BCKDHB: variants seen among roughly 807,000 people sequenced by gnomAD.
BCKDHB encodes 2-oxoisovalerate dehydrogenase subunit beta, mitochondrial.
Under a neutral mutation model 48.5 loss-of-function variants are expected in BCKDHB, and 41 were observed. The ratio of observed to expected loss-of-function variants is 0.85; its 90% CI spans 0.66 to 1.10. BCKDHB has a LOEUF of 1.10. BCKDHB is among the 50% of genes least tolerant of loss of function. BCKDHB has a pLI of 0.00. For synonymous variants in BCKDHB, 201 were observed against 174.8 expected (o/e 1.15, Z -1.18); for missense variants, 496 against 494.2 (o/e 1.00, Z -0.03).
At chr6:80,186,333 C>T (rs6930534) in intron 6 of BCKDHB, among the ~76,000 whole-genome samples, 55,183 of 151,964 alleles carry the variant, frequency 0.36, 11,955 homozygotes, top group East Asian at 0.56. Context: ...TCATACTGGT[C>T]GCCAGGGAAG....
chr6:80,310,753 A>G (rs1264925616), intron 9 of BCKDHB, among the ~76,000 whole-genome samples: 3 of 152,168 alleles, frequency 2.0e-5, no homozygotes, highest in Non-Finnish European at 4.4e-5. Flanking sequence ...CAACCTCACC[A>G]GCATCTGTTG....
At chr6:80,386,989 C>A in the BCKDHB span, among the ~76,000 whole-genome samples, 15 of 152,092 alleles carry the variant, frequency 9.9e-5, no homozygotes, top group African/African-American at 3.4e-4. Flanking sequence ...CATCCCCCCC[C>A]AAGGAGACCT....
At chr6:80,131,731 T>C (rs756064368) in intron 3 of BCKDHB, among the ~76,000 whole-genome samples, 31 of 152,008 alleles carry the variant, frequency 2.0e-4, no homozygotes, top group Middle Eastern at 3.4e-3. Flanking sequence ...CAGCCTCTGC[T>C]TCCTGGGTTC....
intron 9 of BCKDHB, chr6:80,307,623 A>G: frequency 1.0e-6 from 1 of 980,414 alleles, no homozygotes; most frequent in Non-Finnish European, 1.2e-6. Flanking sequence ...TGACAAACAT[A>G]AAGTATATCT....
intron 9 of BCKDHB, among the ~76,000 whole-genome samples, chr6:80,281,502 C>A (rs1461425084): frequency 1.3e-5 from 2 of 152,144 alleles, no homozygotes; most frequent in African/African-American, 4.8e-5. Flanking sequence ...CTGATGAAAA[C>A]AGAAGGGTGG....
At chr6:80,410,142 G>A in the BCKDHB span, among the ~76,000 whole-genome samples, 3 of 152,194 alleles carry the variant, frequency 2.0e-5, 1 homozygote, top group South Asian at 6.2e-4. Flanking sequence ...GGCAGGCCTG[G>A]TGGTGACAAA....
chr6:80,436,722 A>C, the BCKDHB span, among the ~76,000 whole-genome samples: 1 of 152,164 alleles, frequency 6.6e-6, no homozygotes, highest in East Asian at 1.9e-4. Context: ...TTTGATTAAT[A>C]CTCTTTCCCT....
chr6:80,241,805 G>A (rs1299909017), intron 8 of BCKDHB, among the ~76,000 whole-genome samples: 3 of 152,138 alleles, frequency 2.0e-5, no homozygotes, highest in South Asian at 4.1e-4. Context: ...ATCTGATTGT[G>A]TGAAATGGTA....
chr6:80,184,536 T>G (rs1436529580), intron 6 of BCKDHB, among the ~76,000 whole-genome samples: 1 of 152,168 alleles, frequency 6.6e-6, no homozygotes, highest in Admixed American at 6.5e-5. Flanking sequence ...CCTTGTGAGA[T>G]TTATACTTTA....
chr6:80,448,982 T>C, the BCKDHB span, among the ~76,000 whole-genome samples: 6 of 152,218 alleles, frequency 3.9e-5, no homozygotes, highest in East Asian at 1.2e-3. Context: ...TTTTCTTTCA[T>C]ACTTGCAACC....
At chr6:80,228,852 G>C (rs1373736832) in intron 8 of BCKDHB, among the ~76,000 whole-genome samples, 7 of 152,118 alleles carry the variant, frequency 4.6e-5, no homozygotes, top group Non-Finnish European at 1.0e-4. Flanking sequence ...TGCTCGATGG[G>C]AGTTAAAAAG....
At chr6:80,249,402 C>T (rs1402672469) in intron 8 of BCKDHB, among the ~76,000 whole-genome samples, 2 of 151,766 alleles carry the variant, frequency 1.3e-5, no homozygotes, top group Non-Finnish European at 2.9e-5. Flanking sequence ...CCTGGAGGAT[C>T]AATTGAGTAA....
At chr6:80,459,276 A>G in the BCKDHB span, among the ~76,000 whole-genome samples, 1 of 152,334 alleles carries the variant, frequency 6.6e-6, no homozygotes, top group East Asian at 1.9e-4. Flanking sequence ...TGGTATATAC[A>G]CATAATATAA....
At chr6:80,376,945 T>A in the BCKDHB span, among the ~76,000 whole-genome samples, 21 of 152,310 alleles carry the variant, frequency 1.4e-4, no homozygotes, top group African/African-American at 4.8e-4. Context: ...TAGATACAAG[T>A]CCCTTATCAG....
intron 8 of BCKDHB, among the ~76,000 whole-genome samples, chr6:80,220,029 A>G (rs1326538616): frequency 6.6e-6 from 1 of 152,090 alleles, no homozygotes; most frequent in Non-Finnish European, 1.5e-5. Flanking sequence ...TTTGCCTCTC[A>G]TGACTTTCCT....
intron 9 of BCKDHB, among the ~76,000 whole-genome samples, chr6:80,279,067 A>G (rs988966903): frequency 2.0e-5 from 3 of 152,314 alleles, no homozygotes; most frequent in Middle Eastern, 3.4e-3. Flanking sequence ...AAATCAGCTT[A>G]TATAAAAATG....
rs973553024 is a variant in BCKDHB at position 80,273,052 on chromosome 6, A to G, written c.952-83A>G. On this transcript the variant is annotated intron_variant, in intron 8 of 9. Transcript: ENST00000320393. Reference sequence around the variant, plus strand: ...ACTATTTATTGAATGTATATAATTTACTTTTATTACTGATTTAAAACTACC... The same window carrying G: ...ACTATTTATTGAATGTATATAATTTGCTTTTATTACTGATTTAAAACTACC... 1.7e-5 allele frequency: 17 copies of G among 1,006,284 alleles called. No individual in the cohort carries two copies. The Admixed American group carries it at 3.2e-4, about 19-fold the overall frequency. 62.3% of individuals were successfully genotyped at this position (1,006,284 alleles called of 1,614,324 possible).
At position 80,243,416 on chromosome 6, in the gene BCKDHB, T is replaced by C. The variant is rs184782082; in HGVS notation, c.952-29719T>C. Among the ~76,000 whole-genome samples, 8 of 152,276 alleles carry C rather than the reference T, an allele frequency of 5.3e-5. No homozygotes were observed. The East Asian group carries it at 1.5e-3, about 29-fold the overall frequency. ...AAGCTGAAGCAGTATATAGCTGATA[T>C]AAGAAGATTCAATGTAGATAGAAAG... On this transcript the variant is annotated intron_variant, in intron 8 of 9. Coordinates refer to ENST00000320393, the MANE Select transcript of BCKDHB (RefSeq NM_183050.4).
At chr6:80,161,075 C>G (rs937650576) in intron 3 of BCKDHB, among the ~76,000 whole-genome samples, 2 of 152,066 alleles carry the variant, frequency 1.3e-5, no homozygotes, top group Non-Finnish European at 2.9e-5. Flanking sequence ...CACATGAGGT[C>G]AAAGCCACTA....
Sources: allele counts gnomAD v4.1 joint callset (sites outside exome capture counted in the v4.1 genomes callset), GRCh38; gene constraint gnomAD v4.1.1; transcripts MANE v1.5; gene names NCBI Gene and HGNC (gene_info 2026-07-23, HGNC 2026-07-21).